Variants in CAST observed in about 807,000 individuals in gnomAD.
The protein encoded by CAST is MIR583 host.
Under a neutral mutation model 119.6 loss-of-function variants are expected in CAST, and 76 were observed. The ratio of observed to expected loss-of-function variants is 0.64; its 90% CI spans 0.53 to 0.77. CAST has a LOEUF of 0.77. Ranked by LOEUF, CAST falls within the 30% of genes least tolerant of loss-of-function variation. The pLI, the probability that CAST is intolerant of heterozygous loss-of-function variation, is 0.00. For synonymous variants in CAST, 319 were observed against 331.6 expected (o/e 0.96, Z 0.41); for missense variants, 953 against 946.5 (o/e 1.01, Z -0.09).
At chr5:96,706,213 C>T (rs921021228) in intron 3 of CAST, among the ~76,000 whole-genome samples, 2 of 152,096 alleles carry the variant, frequency 1.3e-5, no homozygotes, top group African/African-American at 2.4e-5. Context: ...CTAGGATTTA[C>T]AAGTAGAGTT....
At chr5:96,609,620 C>T (rs1018413259) in intron 1 of CAST, among the ~76,000 whole-genome samples, 3 of 152,156 alleles carry the variant, frequency 2.0e-5, no homozygotes, top group African/African-American at 7.2e-5. Context: ...GGTACTGTGA[C>T]TTCCAGAAAC....
At chr5:96,535,918 T>G (rs185114054) in intron 1 of CAST, among the ~76,000 whole-genome samples, 1 of 152,190 alleles carries the variant, frequency 6.6e-6, no homozygotes, top group Admixed American at 6.5e-5. Flanking sequence ...TGGTACCTAC[T>G]TTTATTTGTT....
chr5:96,388,824 C>T, the CAST span, among the ~76,000 whole-genome samples: 1 of 151,838 alleles, frequency 6.6e-6, no homozygotes, highest in African/African-American at 2.4e-5. Flanking sequence ...AAGTAGAGAC[C>T]ATCTATGGAA....
the CAST span, among the ~76,000 whole-genome samples, chr5:96,032,564 A>T: frequency 6.6e-6 from 1 of 152,124 alleles, no homozygotes; most frequent in African/African-American, 2.4e-5. Context: ...GGAGCTAAAA[A>T]ATGCTAGTTT....
At chr5:96,510,569 T>G in the CAST span, among the ~76,000 whole-genome samples, 1 of 152,160 alleles carries the variant, frequency 6.6e-6, no homozygotes, top group Non-Finnish European at 1.5e-5. Context: ...AAAAGACACT[T>G]AAGAGACATA....
the CAST span, among the ~76,000 whole-genome samples, chr5:96,136,289 A>G: frequency 1.3e-5 from 2 of 152,172 alleles, no homozygotes; most frequent in African/African-American, 4.8e-5. Context: ...TATTAACTAG[A>G]AGAAATTTTT....
At chr5:96,736,055 C>G (rs558217498) in intron 9 of CAST, 117 bp from the exon 10 acceptor site, 1 of 629,638 alleles carries the variant, frequency 1.6e-6, no homozygotes, top group Non-Finnish European at 2.8e-6. Flanking sequence ...TGCTGTAGAG[C>G]GGATGTTCAG....
chr5:96,762,372 G>C lies in CAST; in HGVS notation c.1932G>C (p.Ser644=). The change falls in exon 25 of 32, where the codon TCG becomes TCC. Residue 644 remains serine, a splice_region_variant and synonymous_variant. Transcript: ENST00000675179. ...CTGGAGCCCCACCCCGTGATACCTC[G>C]GTAAGCAGCACATCTTATTTGGGAG... The part of the protein sequence containing the change: ...TQAGAPPRDT[S]QSDKDLDDAL... 6.3e-7 allele frequency: 1 copy of C among 1,583,954 alleles called. No individual in the cohort carries two copies. The highest frequency in any genetic ancestry group is 2.3e-5 in the East Asian group (1 of 43,790).
chr5:96,085,616 A>G, the CAST span, among the ~76,000 whole-genome samples: 1 of 152,228 alleles, frequency 6.6e-6, no homozygotes, highest in Non-Finnish European at 1.5e-5. Context: ...AAACTGTCAC[A>G]TTCCTAAATT....
At chr5:96,209,071 T>A in the CAST span, among the ~76,000 whole-genome samples, 2 of 152,048 alleles carry the variant, frequency 1.3e-5, no homozygotes, top group African/African-American at 4.8e-5. Flanking sequence ...CTTACCATTA[T>A]GTAATGCCTT....
intron 1 of CAST, among the ~76,000 whole-genome samples, chr5:96,572,385 G>C (rs543143430): frequency 1.8e-3 from 276 of 152,200 alleles, no homozygotes; most frequent in African/African-American, 6.4e-3. Flanking sequence ...ATTTTTGGTA[G>C]AGACGGGGTT....
the CAST span, among the ~76,000 whole-genome samples, chr5:96,139,996 G>A: frequency 6.6e-6 from 1 of 152,168 alleles, no homozygotes; most frequent in Non-Finnish European, 1.5e-5. Context: ...AAAAGTCTTA[G>A]TGTACCATTA....
chr5:96,237,284 GA>G, the CAST span, among the ~76,000 whole-genome samples: 1 of 152,152 alleles, frequency 6.6e-6, no homozygotes, highest in African/African-American at 2.4e-5. Flanking sequence ...AGCTACCCTA[GA>G]ACCTTTGTAT....
chr5:96,320,450 C>T, the CAST span, among the ~76,000 whole-genome samples: 1 of 151,976 alleles, frequency 6.6e-6, no homozygotes, highest in Non-Finnish European at 1.5e-5. Flanking sequence ...GTTGGCCAGG[C>T]TGGTCTTGAG....
At chr5:96,016,650 T>G in the CAST span, among the ~76,000 whole-genome samples, 2 of 152,182 alleles carry the variant, frequency 1.3e-5, no homozygotes, top group Admixed American at 6.5e-5. Context: ...TTCCTAACTT[T>G]TCTTTCACCT....
chr5:96,679,356 C>G (rs10076292), intron 2 of CAST: 2 of 152,120 alleles, frequency 1.3e-5, no homozygotes, highest in Non-Finnish European at 1.5e-5. Flanking sequence ...CATGGACTAA[C>G]AAGCCAAAGA....
At chr5:96,770,239 G>T in intron 29 of CAST, 1 of 354,896 alleles carries the variant, frequency 2.8e-6, no homozygotes, top group Non-Finnish European at 5.4e-6. Flanking sequence ...ATTATCTATT[G>T]ACAAGCTCTG....
At chr5:96,517,978 C>T in the CAST span, among the ~76,000 whole-genome samples, 1 of 152,202 alleles carries the variant, frequency 6.6e-6, no homozygotes, top group African/African-American at 2.4e-5. Flanking sequence ...ATTCTACCAA[C>T]AAAGAAACTG....
chr5:96,395,831 AAAAT>A, the CAST span, among the ~76,000 whole-genome samples: 13 of 74,954 alleles, frequency 1.7e-4, no homozygotes, highest in African/African-American at 8.0e-4. Flanking sequence ...TCAATGACAA[AAAAT>A]AAATAAATAA....
Sources: gnomAD v4.1 joint callset for allele counts (sites outside exome capture counted in the v4.1 genomes callset) on GRCh38, gnomAD v4.1.1 for gene constraint, MANE v1.5 for transcripts, NCBI Gene and HGNC (gene_info 2026-07-23, HGNC 2026-07-21) for gene names.